NOA1: variants seen among roughly 807,000 people sequenced by gnomAD.
NOA1 encodes the protein nitric oxide-associated protein 1.
NOA1 carries 35 observed loss-of-function variants against 58.4 expected under a neutral mutation model. That is an observed-to-expected ratio of 0.60 (90% CI 0.46 to 0.79). The LOEUF is 0.79. Ranked by LOEUF, NOA1 falls within the 30% of genes least tolerant of loss-of-function variation. The pLI is 0.00. For missense variants in NOA1, 895 were observed against 894.6 expected, an observed-to-expected ratio of 1.00 and a Z score of -0.01; for synonymous variants, 397 against 373.4, an observed-to-expected ratio of 1.06 and a Z score of -0.73.
chr4:56,970,747 G>A (rs148403771), intron 3 of NOA1, among the ~76,000 whole-genome samples: 345 of 152,108 alleles, frequency 2.3e-3, no homozygotes, highest in African/African-American at 7.8e-3. Flanking sequence ...CAGGTGTGAG[G>A]CACTGTGCAC....
rs1721927258 is a variant in NOA1, at chr4:56,976,567, T to TC, written c.1018dup (p.Asp340GlyfsTer17). Reference sequence around the variant, plus strand: ...GTTGGTGGCGCCCACTAAGTAGACGTCCCCACGGTAGCGCCAGGAGCGCTG... The same window carrying TC: ...GTTGGTGGCGCCCACTAAGTAGACGTCCCCCACGGTAGCGCCAGGAGCGCTG... On this transcript the variant is annotated frameshift_variant, in exon 1 of 7. Transcript: ENST00000264230. LOFTEE classifies it high-confidence loss of function. 1 of 1,614,018 alleles carries TC rather than the reference T, an allele frequency of 6.2e-7. No homozygotes were observed. The highest frequency in any genetic ancestry group is 1.3e-5 in the African/African-American group (1 of 74,906).
At chr4:56,976,029 AGAGT>A (rs951274821) in intron 1 of NOA1, among the ~76,000 whole-genome samples, 3 of 152,238 alleles carry the variant, frequency 2.0e-5, no homozygotes, top group Non-Finnish European at 4.4e-5. Flanking sequence ...CCTGGGCGAC[AGAGT>A]GAGACTCTGT....
At chr4:56,974,402 A>G (rs963513606) in intron 1 of NOA1, among the ~76,000 whole-genome samples, 5 of 152,222 alleles carry the variant, frequency 3.3e-5, no homozygotes, top group African/African-American at 9.6e-5. Context: ...CTGTAATCCC[A>G]GCACTTTGGG....
intron 3 of NOA1, among the ~76,000 whole-genome samples, chr4:56,971,738 A>C (rs1283750329): frequency 6.6e-6 from 1 of 152,200 alleles, no homozygotes; most frequent in African/African-American, 2.4e-5. Flanking sequence ...GCAAATATAA[A>C]AAGTAATGAG....
intron 3 of NOA1, among the ~76,000 whole-genome samples, chr4:56,970,922 C>CTA (rs1197235722): frequency 6.6e-6 from 1 of 152,188 alleles, no homozygotes; most frequent in Non-Finnish European, 1.5e-5. Flanking sequence ...ATTCTGCTGT[C>CTA]TAGAGTATTT....
In NOA1 at chr4:56,964,483, A is replaced by C; in HGVS notation, c.1808T>G (p.Leu603Arg). 6.2e-7 allele frequency: 1 copy of C among 1,614,186 alleles called. No homozygotes were observed. Among genetic ancestry groups the C allele is most frequent in the African/African-American group, 1.3e-5 (1 of 75,058 alleles). ...GKERMAGFPPLVAEDIMLKEG... is the reference protein window; with the variant it reads ...GKERMAGFPPRVAEDIMLKEG... ...TTTTAACATAATGTCTTCAGCAACA[A>C]GAGGAGGAAATCCTGCCATTCGTTC... The change falls in exon 6 of 7, where the codon CTT (leucine) becomes CGT (arginine). Residue 603 changes from leucine to arginine, a missense_variant. By Grantham distance (102) the Leu-to-Arg change is moderately radical. Coordinates refer to ENST00000264230, the MANE Select transcript of NOA1 (RefSeq NM_032313.4).
chr4:56,966,555 C>T (rs1401925894), intron 5 of NOA1, 65 bp downstream of exon 5: 4 of 932,982 alleles, frequency 4.3e-6, no homozygotes, highest in Non-Finnish European at 6.9e-6. Flanking sequence ...GCTTTCTTAA[C>T]AGAGCTATGG....
intron 3 of NOA1, 66 bp from the exon 4 acceptor site, chr4:56,968,581 C>A (rs13146090): frequency 0.25 from 325,375 of 1,303,972 alleles, 43,988 homozygotes; most frequent in Middle Eastern, 0.33. Flanking sequence ...TTATGATTTA[C>A]CCGTAAAATA....
At chr4:56,966,967 C>G (rs936702060) in intron 4 of NOA1, among the ~76,000 whole-genome samples, 1 of 151,996 alleles carries the variant, frequency 6.6e-6, no homozygotes. Flanking sequence ...CTTTGACAGA[C>G]CCAATACTAT....
rs528218500 is a variant in NOA1 at position 56,969,925 on chromosome 4, C to T, written c.1516-1410G>A. Among the ~76,000 whole-genome samples, 11 of 150,144 alleles carry T rather than the reference C, an allele frequency of 7.3e-5. No individual in the cohort carries two copies. The South Asian group carries it at 8.4e-4, about 11-fold the overall frequency. On this transcript the variant is annotated intron_variant, in intron 3 of 6. Transcript: ENST00000264230. ...TCTCCCAAGTAGCTGAGATTACAGA[C>T]GTGCGCCACCATGCTTGGCTAATTT...
At chr4:56,975,433 C>T (rs1440233732) in intron 1 of NOA1, among the ~76,000 whole-genome samples, 1 of 150,994 alleles carries the variant, frequency 6.6e-6, no homozygotes, top group Non-Finnish European at 1.5e-5. Context: ...GAGTTGGAGA[C>T]CTGCCTGGCC....
chr4:56,972,524 T>G (rs1107674), intron 3 of NOA1, among the ~76,000 whole-genome samples: 50,785 of 152,066 alleles, frequency 0.33, 8,602 homozygotes, highest in South Asian at 0.49. Flanking sequence ...ACAGGGAGAC[T>G]ATTCAGCTCA....
chr4:56,973,917 T>C lies in NOA1; in HGVS notation c.1250A>G (p.Asp417Gly). The C allele has an allele frequency of 6.2e-7, 1 of 1,614,176 alleles. No homozygotes were observed. Among genetic ancestry groups the C allele is most frequent in the Non-Finnish European group, 8.5e-7 (1 of 1,180,012 alleles). ...LKKDSTQAEEDLSEQEQNQLN... is the reference protein window; with the variant it reads ...LKKDSTQAEEGLSEQEQNQLN... ...CTGATTTTGTTCTTGCTCACTAAGA[T>C]CTTCTTCAGCTTGAGTTGAATCTTT... Residue 417 changes from aspartate to glycine, a missense_variant, in exon 2 of 7, where the codon GAT becomes GGT. By Grantham distance (94) the Asp-to-Gly change is moderately conservative. This residue lies in a region of NOA1 where 680 missense variants were observed against 656.5 expected (regional missense o/e 1.04). Transcript: ENST00000264230.
chr4:56,973,338 G>T lies in NOA1; in HGVS notation c.1325C>A (p.Thr442Lys), dbSNP rs1179248583. ...HGYVVGRVGRTFLYSEEQKDN... is the reference protein window; with the variant it reads ...HGYVVGRVGRKFLYSEEQKDN... ...CTTCTGTTCTTCTGAATACAAGAAT[G>T]TCCTTCCAACTCTTCCTAGAACAAG... is the stretch of plus-strand genomic sequence containing the variant. The change falls in exon 3 of 7, where the codon ACA (threonine) becomes AAA (lysine). Residue 442 changes from threonine (T) to lysine (K), a missense_variant. Thr to Lys is a moderately conservative substitution (Grantham distance 78). Around this residue, in one of 3 missense-constraint regions of NOA1, gnomAD observed 680 missense variants for 656.5 expected, o/e 1.04. Transcript: ENST00000264230. 3.7e-6 allele frequency: 6 copies of T among 1,613,852 alleles called. No individual in the cohort carries two copies. The highest frequency in any genetic ancestry group is 5.1e-6 in the Non-Finnish European group (6 of 1,179,800).
intron 1 of NOA1, among the ~76,000 whole-genome samples, chr4:56,975,977 G>A (rs1721912958): frequency 6.6e-6 from 1 of 152,206 alleles, no homozygotes; most frequent in Non-Finnish European, 1.5e-5. Flanking sequence ...AACCCGGGAG[G>A]CGGAGGTTGC....
At chr4:56,965,132 TG>T (rs978314315) in intron 5 of NOA1, among the ~76,000 whole-genome samples, 3 of 152,036 alleles carry the variant, frequency 2.0e-5, no homozygotes, top group Non-Finnish European at 4.4e-5. Flanking sequence ...CCCGAGTAAC[TG>T]GGATTACAGG....
At chr4:56,973,485 CT>C (rs370555681) in intron 2 of NOA1, 132 bp from the exon 3 acceptor site, 52,972 of 501,218 alleles carry the variant, frequency 0.11, 1 homozygote, top group South Asian at 0.16. Context: ...GATACTTTTG[CT>C]TTTTTTTTTT....
chr4:56,965,147 G>A (rs1450863594), intron 5 of NOA1, among the ~76,000 whole-genome samples: 6 of 151,834 alleles, frequency 4.0e-5, no homozygotes, highest in South Asian at 2.1e-4. Context: ...TTACAGGCGC[G>A]CACCACCATA....
chr4:56,976,787 G>A lies in NOA1; in HGVS notation c.799C>T (p.Arg267Ter). Residue 267 changes from arginine to a stop codon, truncating the protein, a stop_gained, in exon 1 of 7, where the codon CGA (arginine) becomes TGA (stop). Transcript: ENST00000264230. LOFTEE classifies it high-confidence loss of function. ...GCGCGGGCACAGTCCTCCCACAGTC[G>A]CTCCCGCAGCCTCTGCCGGTAGCCA... ...APGYRQRLRE[R>*]LWEDCARAGL... 6.2e-7 allele frequency: 1 copy of A among 1,610,006 alleles called. No homozygotes were observed. Among genetic ancestry groups the A allele is most frequent in the South Asian group, 1.1e-5 (1 of 90,938 alleles).
Sources: gnomAD v4.1 joint callset for allele counts (sites outside exome capture counted in the v4.1 genomes callset) on GRCh38, gnomAD v4.1.1 for gene constraint, gnomAD v4.1.1 regional missense constraint, MANE v1.5 for transcripts, NCBI Gene and HGNC (gene_info 2026-07-23, HGNC 2026-07-21) for gene names.